BMERB1: variants seen among roughly 807,000 people sequenced by gnomAD.
The protein encoded by BMERB1 is bMERB domain-containing protein 1.
Under a neutral mutation model 23.6 loss-of-function variants are expected in BMERB1, and 12 were observed. That is an observed-to-expected ratio of 0.51 (90% CI 0.33 to 0.82). BMERB1 has a LOEUF of 0.82. Ranked by LOEUF, BMERB1 falls within the 40% of genes least tolerant of loss-of-function variation. The pLI, the probability that BMERB1 is intolerant of heterozygous loss-of-function variation, is 0.03. For missense variants in BMERB1, 247 were observed against 255.4 expected (o/e 0.97, Z 0.22); for synonymous variants, 122 against 96.6 (o/e 1.26, Z -1.54).
intron 1 of BMERB1, among the ~76,000 whole-genome samples, chr16:15,446,806 C>G (rs759901614): frequency 3.9e-5 from 6 of 152,188 alleles, no homozygotes; most frequent in Non-Finnish European, 8.8e-5. Context: ...CTCTTGTAAG[C>G]TTGAGGACTA....
At chr16:15,498,233 CA>C (rs1443194698) in intron 1 of BMERB1, among the ~76,000 whole-genome samples, 2 of 151,536 alleles carry the variant, frequency 1.3e-5, no homozygotes, top group Non-Finnish European at 2.9e-5. Context: ...CCTGGGAGCA[CA>C]ATAAAAAAAC....
chr16:15,505,154 A>G (rs142413354), intron 1 of BMERB1, among the ~76,000 whole-genome samples: 1 of 152,294 alleles, frequency 6.6e-6, no homozygotes, highest in African/African-American at 2.4e-5. Context: ...CCTATCCAAC[A>G]CAGGTATGAG....
chr16:15,539,003 G>A (rs2052053773), intron 2 of BMERB1, among the ~76,000 whole-genome samples: 1 of 152,092 alleles, frequency 6.6e-6, no homozygotes, highest in Non-Finnish European at 1.5e-5. Context: ...CCAGGGATGG[G>A]GTGGGGGCAT....
At chr16:15,558,063 G>T (rs1270610775) in intron 2 of BMERB1, among the ~76,000 whole-genome samples, 1 of 151,664 alleles carries the variant, frequency 6.6e-6, no homozygotes, top group Non-Finnish European at 1.5e-5. Context: ...AATTTTTTTT[G>T]ACTTGATAAG....
At chr16:15,465,205 A>G (rs1319678500) in intron 1 of BMERB1, among the ~76,000 whole-genome samples, 3 of 151,622 alleles carry the variant, frequency 2.0e-5, no homozygotes, top group Non-Finnish European at 4.4e-5. Flanking sequence ...ACTGGGGAAC[A>G]TTGGGTGAAG....
intron 1 of BMERB1, among the ~76,000 whole-genome samples, chr16:15,445,021 G>C (rs751785071): frequency 6.6e-6 from 1 of 152,164 alleles, no homozygotes; most frequent in Non-Finnish European, 1.5e-5. Flanking sequence ...CTCCGAAGTA[G>C]CTGGAACTAC....
intron 1 of BMERB1, among the ~76,000 whole-genome samples, chr16:15,468,840 C>T (rs1342840908): frequency 7.2e-5 from 11 of 151,906 alleles, no homozygotes. Context: ...GTCTGTGAAT[C>T]ATTTTATTTT....
chr16:15,556,414 A>C (rs1440946980), intron 2 of BMERB1, among the ~76,000 whole-genome samples: 2 of 152,070 alleles, frequency 1.3e-5, no homozygotes, highest in African/African-American at 2.4e-5. Context: ...ATCCCTTTTC[A>C]ACAGTGACAG....
At chr16:15,482,307 A>ATG (rs924922546) in intron 1 of BMERB1, among the ~76,000 whole-genome samples, 1 of 152,202 alleles carries the variant, frequency 6.6e-6, no homozygotes, top group African/African-American at 2.4e-5. Flanking sequence ...TGCCCTGAGT[A>ATG]TGAACTGACT....
At chr16:15,542,048 G>A (rs2052089382) in intron 2 of BMERB1, among the ~76,000 whole-genome samples, 1 of 148,726 alleles carries the variant, frequency 6.7e-6, no homozygotes, top group Non-Finnish European at 1.5e-5. Context: ...ATCCGGCAGT[G>A]CCCCCGACCA....
intron 1 of BMERB1, among the ~76,000 whole-genome samples, chr16:15,463,228 A>T (rs1198442852): frequency 6.6e-6 from 1 of 151,530 alleles, no homozygotes; most frequent in Non-Finnish European, 1.5e-5. Context: ...ACAGGTGTGC[A>T]CTAGTATGTC....
rs1343839286 is a variant in BMERB1 at position 15,503,128 on chromosome 16, T to C, written c.107-12177T>C. On this transcript the variant is annotated intron_variant, in intron 1 of 5. Transcript: ENST00000300006. ...TCCACAAATTACCAAGAAGCAAAAC[T>C]TTGAGTATTATGCTGAATCTGTGTA... 2.8e-4 allele frequency among the ~76,000 whole-genome samples: 42 copies of C among 152,136 alleles called. 1 individual carries two copies. The highest frequency in any genetic ancestry group is 2.8e-3 in the Admixed American group (42 of 15,268).
At chr16:15,544,705 C>T (rs532981731) in intron 2 of BMERB1, among the ~76,000 whole-genome samples, 4 of 152,176 alleles carry the variant, frequency 2.6e-5, no homozygotes, top group African/African-American at 9.7e-5. Flanking sequence ...TAACACTACT[C>T]CTGAAGGCAG....
At chr16:15,514,964 C>G (rs1171678266) in intron 1 of BMERB1, among the ~76,000 whole-genome samples, 1 of 152,118 alleles carries the variant, frequency 6.6e-6, no homozygotes, top group African/African-American at 2.4e-5. Flanking sequence ...CACCTGTAGT[C>G]CCAGCTACTC....
intron 2 of BMERB1, among the ~76,000 whole-genome samples, chr16:15,528,868 A>T (rs1285765216): frequency 6.6e-6 from 1 of 152,196 alleles, no homozygotes; most frequent in Non-Finnish European, 1.5e-5. Flanking sequence ...CCCATGTAAA[A>T]GAGGCCCAGG....
In BMERB1 at chr16:15,492,610, C is replaced by G. The variant is rs953991052; in HGVS notation, c.107-22695C>G. Among the ~76,000 whole-genome samples, 5 of 152,222 alleles carry G rather than the reference C, an allele frequency of 3.3e-5. No individual in the cohort carries two copies. In the East Asian group the frequency reaches 9.7e-4, roughly 29 times the overall value. On this transcript the variant is annotated intron_variant, in intron 1 of 5. Coordinates refer to ENST00000300006, the MANE Select transcript of BMERB1 (RefSeq NM_033201.3). ...TGCCAACTCATCTTGATGGGATGTA[C>G]CACGGATGTGAAGTGATGAGAATGG...
chr16:15,545,042 G>A lies in BMERB1; in HGVS notation c.231-22941G>A, dbSNP rs569347378. On this transcript the variant is annotated intron_variant, in intron 2 of 5. Coordinates refer to ENST00000300006, the MANE Select transcript of BMERB1 (RefSeq NM_033201.3). ...GGCTGGAGTGCAGTGGTGCAATCTC[G>A]GCTCACTGCAACCTCTGCCCCCCGG... Among the ~76,000 whole-genome samples, 4 of 151,848 alleles carry A rather than the reference G, an allele frequency of 2.6e-5. No homozygotes were observed. The East Asian group carries it at 5.8e-4, about 22-fold the overall frequency.
intron 1 of BMERB1, among the ~76,000 whole-genome samples, chr16:15,464,654 T>C (rs1293272522): frequency 6.6e-6 from 1 of 152,188 alleles, no homozygotes; most frequent in Admixed American, 6.5e-5. Context: ...CTATATTGGG[T>C]AACTTCCAGA....
intron 2 of BMERB1, among the ~76,000 whole-genome samples, chr16:15,556,339 GTGGGCTGCCTGC>G (rs1276327754): frequency 6.6e-5 from 10 of 152,092 alleles, no homozygotes; most frequent in African/African-American, 2.4e-4. Context: ...GTGCAAAACC[GTGGGCTGCCTGC>G]ACCACACACA....
Sources: gnomAD v4.1 joint callset for allele counts (sites outside exome capture counted in the v4.1 genomes callset) on GRCh38, gnomAD v4.1.1 for gene constraint, MANE v1.5 for transcripts, NCBI Gene and HGNC (gene_info 2026-07-23, HGNC 2026-07-21) for gene names.